C17orf67: variants seen among roughly 807,000 people sequenced by gnomAD.
C17orf67 encodes uncharacterized protein C17orf67.
In C17orf67, 12 loss-of-function variants were observed where a neutral mutation model predicts 11.2. The ratio of observed to expected loss-of-function variants is 1.07; its 90% CI spans 0.68 to 1.73. The LOEUF (loss-of-function observed/expected upper bound fraction) is 1.73. C17orf67 is among the 40% of genes most tolerant of loss of function. The probability of loss-of-function intolerance (pLI) is 0.00; values close to 1 mark genes in which losing one functional copy is unlikely to be tolerated. For missense variants in C17orf67, 115 were observed against 113.5 expected (o/e 1.01, Z -0.06); for synonymous variants, 59 against 46.9 (o/e 1.26, Z -1.05).
chr17:56,806,217 G>A (rs186301486), intron 6 of C17orf67, among the ~76,000 whole-genome samples: 6 of 151,902 alleles, frequency 3.9e-5, no homozygotes, highest in African/African-American at 1.2e-4. Flanking sequence ...CTCATGATCC[G>A]GCCGCCTCAG....
At chr17:56,826,470 C>A (rs6503769) in intron 2 of C17orf67, among the ~76,000 whole-genome samples, 1 of 152,028 alleles carries the variant, frequency 6.6e-6, no homozygotes, top group Non-Finnish European at 1.5e-5. Flanking sequence ...TCCAGGTTCT[C>A]TTCCCAGGCC....
chr17:56,820,433 C>T (rs1302636702), intron 4 of C17orf67, among the ~76,000 whole-genome samples: 1 of 152,150 alleles, frequency 6.6e-6, no homozygotes, highest in African/African-American at 2.4e-5. Context: ...GGCACACTCT[C>T]ACACACCCAC....
intron 6 of C17orf67, among the ~76,000 whole-genome samples, chr17:56,803,025 C>T (rs966116348): frequency 2.0e-5 from 3 of 152,242 alleles, no homozygotes; most frequent in Admixed American, 2.0e-4. Flanking sequence ...CCCCACCACG[C>T]ACTTACAGTA....
chr17:56,814,819 G>A (rs368992752), intron 6 of C17orf67, 50 bp downstream of exon 6: 4 of 1,540,694 alleles, frequency 2.6e-6, no homozygotes, highest in East Asian at 4.5e-5. Flanking sequence ...ATAGTGAATG[G>A]CATTCAAATG....
chr17:56,795,259 C>T (rs1210267563), intron 6 of C17orf67, 79 bp from the exon 7 acceptor site: 2 of 1,286,492 alleles, frequency 1.6e-6, no homozygotes. Flanking sequence ...GTGGCTCTGG[C>T]TCCCTAGACA....
intron 4 of C17orf67, 65 bp from the exon 5 acceptor site, chr17:56,816,075 T>C: frequency 2.2e-6 from 1 of 449,670 alleles, no homozygotes; most frequent in East Asian, 4.2e-5. Context: ...AAGCAACATG[T>C]GATATTCACT....
chr17:56,808,108 TA>T (rs1430979378), intron 6 of C17orf67, among the ~76,000 whole-genome samples: 1 of 152,064 alleles, frequency 6.6e-6, no homozygotes. Context: ...AATATTCTCA[TA>T]ACCAATTTCT....
chr17:56,808,161 CTT>C (rs1905502663), intron 6 of C17orf67, among the ~76,000 whole-genome samples: 1 of 152,126 alleles, frequency 6.6e-6, no homozygotes, highest in African/African-American at 2.4e-5. Flanking sequence ...CCCTTGCTCT[CTT>C]GTCAGCCCCC....
At chr17:56,809,785 C>T (rs1905555436) in intron 6 of C17orf67, among the ~76,000 whole-genome samples, 1 of 142,970 alleles carries the variant, frequency 7.0e-6, no homozygotes, top group East Asian at 2.3e-4. Flanking sequence ...ACACCTCATA[C>T]ACAGACCCCT....
chr17:56,828,138 G>T (rs1906091280), intron 2 of C17orf67, among the ~76,000 whole-genome samples: 2 of 150,968 alleles, frequency 1.3e-5, no homozygotes, highest in African/African-American at 4.9e-5. Context: ...AGGCACGGCG[G>T]CTCACGCTTG....
chr17:56,826,342 A>C (rs961675903), intron 2 of C17orf67, among the ~76,000 whole-genome samples: 1 of 152,216 alleles, frequency 6.6e-6, no homozygotes, highest in African/African-American at 2.4e-5. Flanking sequence ...CATAAAAGAC[A>C]ATGACACTTT....
At chr17:56,810,572 T>C (rs1178788545) in intron 6 of C17orf67, among the ~76,000 whole-genome samples, 1 of 152,214 alleles carries the variant, frequency 6.6e-6, no homozygotes, top group Non-Finnish European at 1.5e-5. Flanking sequence ...GCGCAGCTGT[T>C]CTTGGCCTAC....
chr17:56,796,379 G>T (rs1272862201), intron 6 of C17orf67, among the ~76,000 whole-genome samples: 2 of 152,208 alleles, frequency 1.3e-5, no homozygotes. Context: ...GAATGAAGCA[G>T]TGATCCCTGC....
chr17:56,826,744 C>T (rs1906043098), intron 2 of C17orf67, among the ~76,000 whole-genome samples: 1 of 152,236 alleles, frequency 6.6e-6, no homozygotes, highest in Non-Finnish European at 1.5e-5. Flanking sequence ...GGTTTAATTT[C>T]AGTTGAAGCT....
chr17:56,814,732 G>A, intron 6 of C17orf67, 137 bp downstream of exon 6: 1 of 806,558 alleles, frequency 1.2e-6, no homozygotes, highest in East Asian at 2.5e-5. Flanking sequence ...AAAAGATTGA[G>A]ATTGCAGCTA....
chr17:56,799,904 T>G (rs1170376774), intron 6 of C17orf67, among the ~76,000 whole-genome samples: 1 of 151,452 alleles, frequency 6.6e-6, no homozygotes, highest in Non-Finnish European at 1.5e-5. Context: ...AATGGGTTTT[T>G]AAAATATAAA....
rs112787461 is a variant in C17orf67, at chr17:56,823,879, T to TA, written c.-201+859dup. Among the ~76,000 whole-genome samples the TA allele has an allele frequency of 9.0e-3, 1,352 of 150,488 alleles. 13 individuals carry two copies. Among genetic ancestry groups the TA allele is most frequent in the East Asian group, 0.03 (153 of 5,144 alleles). On this transcript the variant is annotated intron_variant, in intron 4 of 7. Transcript: ENST00000397861. ...CAGACAATGGAATATTATTCAGCACTAAAAAAAAATGAGCTATCAGGCCAT... is the reference window on the plus strand; with the variant it reads ...CAGACAATGGAATATTATTCAGCACTAAAAAAAAAATGAGCTATCAGGCCAT...
intron 7 of C17orf67, among the ~76,000 whole-genome samples, chr17:56,794,571 T>C (rs74949411): frequency 0.015 from 2,315 of 152,154 alleles, 41 homozygotes; most frequent in African/African-American, 0.043. Flanking sequence ...GAGGGTGGGC[T>C]GGGCAGATTG....
At chr17:56,815,292 GT>G (rs536128292) in intron 5 of C17orf67, among the ~76,000 whole-genome samples, 1 of 151,974 alleles carries the variant, frequency 6.6e-6, no homozygotes, top group Non-Finnish European at 1.5e-5. Flanking sequence ...TTTCATGGAA[GT>G]TTTTTTTAAT....
Sources: gnomAD v4.1 joint callset for allele counts (sites outside exome capture counted in the v4.1 genomes callset) on GRCh38, gnomAD v4.1.1 for gene constraint, MANE v1.5 for transcripts, NCBI Gene and HGNC (gene_info 2026-07-23, HGNC 2026-07-21) for gene names.